CBLB: variants seen among roughly 807,000 people sequenced by gnomAD.
CBLB encodes E3 ubiquitin-protein ligase CBL-B.
Under a neutral mutation model 104.9 loss-of-function variants are expected in CBLB, and 31 were observed. The ratio of observed to expected loss-of-function variants is 0.30; its 90% CI spans 0.22 to 0.40. The LOEUF is 0.40. CBLB is among the 10% of genes least tolerant of loss of function. The pLI, the probability that CBLB is intolerant of heterozygous loss-of-function variation, is 1.00. For missense variants in CBLB, 1,062 were observed against 1,214.6 expected (o/e 0.87, Z 1.87); for synonymous variants, 440 against 422.6 (o/e 1.04, Z -0.51).
At chr3:105,744,153 A>C (rs1285499988) in intron 6 of CBLB, among the ~76,000 whole-genome samples, 1 of 152,190 alleles carries the variant, frequency 6.6e-6, no homozygotes, top group Admixed American at 6.5e-5. Context: ...ATTGTAATTC[A>C]TGTTCTCCAT....
chr3:105,659,096 T>C lies in CBLB; in HGVS notation c.2823A>G (p.Gly941=), dbSNP rs2063530380. ...NVDAKIAKLM[G]EGYAFEEVKR... ...TCACCTCTTCAAAGGCATAACCCTC[T>C]CCCATGAGTTTTGCAATTTTTGCAT... Residue 941 remains glycine (G), a synonymous_variant, in exon 19 of 19, where the codon GGA becomes GGG. Coordinates refer to ENST00000394030, the MANE Select transcript of CBLB (RefSeq NM_170662.5). 1 of 1,614,030 alleles carries C rather than the reference T, an allele frequency of 6.2e-7. No individual in the cohort carries two copies. The highest frequency in any genetic ancestry group is 1.7e-4 in the Middle Eastern group (1 of 6,060).
intron 5 of CBLB, among the ~76,000 whole-genome samples, chr3:105,746,951 G>C (rs147345347): frequency 6.6e-6 from 1 of 152,348 alleles, no homozygotes; most frequent in African/African-American, 2.4e-5. Context: ...CACTACAGTA[G>C]TCACATCTGG....
intron 11 of CBLB, among the ~76,000 whole-genome samples, chr3:105,703,311 C>T (rs1332439667): frequency 6.6e-6 from 1 of 152,118 alleles, no homozygotes; most frequent in African/African-American, 2.4e-5. Flanking sequence ...TCAAACACTA[C>T]TAAATATATT....
At chr3:105,725,692 C>T (rs17280845) in intron 9 of CBLB, among the ~76,000 whole-genome samples, 31,983 of 151,982 alleles carry the variant, frequency 0.21, 3,826 homozygotes, top group Middle Eastern at 0.28. Flanking sequence ...AAAGACACAA[C>T]GGGTGGTTAA....
intron 3 of CBLB, among the ~76,000 whole-genome samples, chr3:105,804,064 T>C (rs560385408): frequency 1.1e-4 from 16 of 152,298 alleles, no homozygotes; most frequent in African/African-American, 3.6e-4. Flanking sequence ...ACATTTTTAA[T>C]ATACACATAA....
At chr3:105,769,800 T>C (rs952851636) in intron 4 of CBLB, among the ~76,000 whole-genome samples, 14 of 152,218 alleles carry the variant, frequency 9.2e-5, no homozygotes, top group African/African-American at 3.4e-4. Flanking sequence ...AGAATTAATA[T>C]TCATGCAAAC....
intron 9 of CBLB, among the ~76,000 whole-genome samples, chr3:105,727,823 T>A (rs2073855760): frequency 6.6e-6 from 1 of 152,196 alleles, no homozygotes. Context: ...TGTTTGTTGT[T>A]GTCAGGTTTA....
At chr3:105,819,725 TAG>T (rs1302640204) in intron 3 of CBLB, among the ~76,000 whole-genome samples, 2 of 152,166 alleles carry the variant, frequency 1.3e-5, no homozygotes, top group Admixed American at 1.3e-4. Flanking sequence ...CTGTCTTACA[TAG>T]AGAGTCTCAA....
At chr3:105,828,412 A>T (rs12633624) in intron 3 of CBLB, among the ~76,000 whole-genome samples, 5,422 of 152,348 alleles carry the variant, frequency 0.036, 140 homozygotes, top group East Asian at 0.12. Flanking sequence ...ACGACAAAAC[A>T]ATTTTCATTA....
At chr3:105,866,952 C>T (rs1367366314) in intron 2 of CBLB, among the ~76,000 whole-genome samples, 2 of 152,234 alleles carry the variant, frequency 1.3e-5, no homozygotes, top group African/African-American at 2.4e-5. Flanking sequence ...ACTCCCTCAA[C>T]TACTGCTTCT....
chr3:105,786,752 T>C (rs1388027766), intron 3 of CBLB, among the ~76,000 whole-genome samples: 1 of 152,182 alleles, frequency 6.6e-6, no homozygotes, highest in Admixed American at 6.5e-5. Flanking sequence ...CCTTCCTTTA[T>C]AATAGTCTCC....
intron 18 of CBLB, among the ~76,000 whole-genome samples, chr3:105,663,773 A>C (rs1017753427): frequency 2.0e-5 from 3 of 152,090 alleles, no homozygotes; most frequent in Non-Finnish European, 4.4e-5. Context: ...GAAAGAAAAC[A>C]ATTTTAGATG....
At chr3:105,740,733 A>G (rs2075437965) in intron 6 of CBLB, 102 bp from the exon 7 acceptor site, 5 of 1,026,846 alleles carry the variant, frequency 4.9e-6, no homozygotes, top group Non-Finnish European at 7.4e-6. Flanking sequence ...ACAATCATTT[A>G]GAATTCCTGA....
At chr3:105,699,882 A>G (rs1043910126) in intron 12 of CBLB, among the ~76,000 whole-genome samples, 1 of 152,182 alleles carries the variant, frequency 6.6e-6, no homozygotes, top group Non-Finnish European at 1.5e-5. Flanking sequence ...CACCAAATCT[A>G]AGAGTAACAT....
upstream of CBLB, chr3:105,869,039 C>T: frequency 9.0e-7 from 1 of 1,115,882 alleles, no homozygotes; most frequent in Middle Eastern, 4.2e-4. Context: ...ACACACAGGA[C>T]CCAGGCTCGG....
intron 10 of CBLB, 129 bp downstream of exon 10, chr3:105,719,918 C>A (rs2072517317): frequency 2.7e-6 from 2 of 743,254 alleles, no homozygotes; most frequent in Non-Finnish European, 4.8e-6. Flanking sequence ...CCTGTACAGG[C>A]CTAGGCTAGT....
intron 3 of CBLB, among the ~76,000 whole-genome samples, chr3:105,804,668 C>T (rs2083294337): frequency 6.6e-6 from 1 of 151,844 alleles, no homozygotes; most frequent in Non-Finnish European, 1.5e-5. Context: ...AACATAGCTA[C>T]TAGATAATTT....
At chr3:105,740,437 C>G in intron 7 of CBLB, 57 bp downstream of exon 7, 4 of 1,592,130 alleles carry the variant, frequency 2.5e-6, no homozygotes, top group Non-Finnish European at 3.4e-6. Context: ...ACAAAGCAAT[C>G]TTTATTTTTC....
At chr3:105,823,900 G>A (rs1212434408) in intron 3 of CBLB, among the ~76,000 whole-genome samples, 1 of 151,852 alleles carries the variant, frequency 6.6e-6, no homozygotes, top group Non-Finnish European at 1.5e-5. Context: ...TCCTTCTTAG[G>A]CCCTCAAACT....
Sources: gnomAD v4.1 joint callset for allele counts (sites outside exome capture counted in the v4.1 genomes callset) on GRCh38, gnomAD v4.1.1 for gene constraint, MANE v1.5 for transcripts, NCBI Gene and HGNC (gene_info 2026-07-23, HGNC 2026-07-21) for gene names.